The following SETD1B variants were observed in gnomAD, a reference collection of about 807,000 sequenced individuals.
SETD1B encodes histone-lysine N-methyltransferase SETD1B.
SETD1B carries 7 observed loss-of-function variants against 148.0 expected under a neutral mutation model. That is an observed-to-expected ratio of 0.05 (90% CI 0.03 to 0.09). The LOEUF is 0.09. SETD1B is among the 10% of genes least tolerant of loss of function. The pLI, the probability that SETD1B is intolerant of heterozygous loss-of-function variation, is 1.00. For synonymous variants in SETD1B, 1,361 were observed against 1,186.5 expected, an observed-to-expected ratio of 1.15 and a Z score of -3.02; for missense variants, 2,155 against 2,729.9, an observed-to-expected ratio of 0.79 and a Z score of 4.69.
At chr12:121,793,788 T>C in the SETD1B span, 12 of 592,762 alleles carry the variant, frequency 2.0e-5, no homozygotes, top group East Asian at 3.4e-4. Context: ...CAGTTTCCTT[T>C]CTGCTAAGGT....
At chr12:121,792,767 TCCGAGCAC>T in the SETD1B span, among the ~76,000 whole-genome samples, 1 of 152,088 alleles carries the variant, frequency 6.6e-6, no homozygotes, top group Non-Finnish European at 1.5e-5. Flanking sequence ...GCCCAGGCAA[TCCGAGCAC>T]CAAGGGACTC....
rs1876345354 is a variant in SETD1B, at chr12:121,817,432, C to T, written c.3040C>T (p.Pro1014Ser). The change falls in exon 9 of 17, where the codon CCC becomes TCC. Residue 1014 changes from proline to serine, a missense_variant. Transcript: ENST00000604567. This position sits in a 1 kb window ranked among gnomAD's most constrained non-coding sequence, Gnocchi z 8.1. Reference sequence around the variant, plus strand: ...CCCCTGTGAGCTCGCCAAGCGGGACCCCAAGGGCGTGGGTGTGCGGCGGCG... The same window carrying T: ...CCCCTGTGAGCTCGCCAAGCGGGACTCCAAGGGCGTGGGTGTGCGGCGGCG... ...DTPCELAKRDPKGVGVRRRPA... is the reference protein window; with the variant it reads ...DTPCELAKRDSKGVGVRRRPA... 2 of 1,544,038 alleles carry T rather than the reference C, an allele frequency of 1.3e-6. No individual in the cohort carries two copies. Among genetic ancestry groups the T allele is most frequent in the East Asian group, 4.9e-5 (2 of 40,728 alleles).
At chr12:121,798,003 G>A in the SETD1B span, 1 of 196,442 alleles carries the variant, frequency 5.1e-6, no homozygotes, top group Non-Finnish European at 1.1e-5. Context: ...CTCACAGGAG[G>A]AGCCAACAGC....
rs1242908100 is a variant in SETD1B, at chr12:121,823,587, C to T, written c.5008C>T (p.Arg1670Trp). ...ACTCTCGCCACCCCAGCCCCTCTTC[C>T]GGCCCCGCTCGGAGTTTGAGGAGAT... Reference protein sequence around the residue: ...PELSPPQPLFRPRSEFEEMTI... With the variant: ...PELSPPQPLFWPRSEFEEMTI... Residue 1670 changes from arginine (R) to tryptophan (W), a missense_variant, in exon 12 of 17, where the codon CGG becomes TGG. By Grantham distance (101) the Arg-to-Trp change is moderately radical (BLOSUM62 -3). This residue lies in a region of SETD1B where 862 missense variants were observed against 873.8 expected (regional missense o/e 0.99). Transcript: ENST00000604567. 7.7e-6 allele frequency: 12 copies of T among 1,551,358 alleles called. No individual in the cohort carries two copies. The highest frequency in any genetic ancestry group is 4.8e-5 in the South Asian group (4 of 84,062).
At chr12:121,826,662 G>A (rs1305410951) in intron 13 of SETD1B, among the ~76,000 whole-genome samples, 1 of 152,044 alleles carries the variant, frequency 6.6e-6, no homozygotes, top group East Asian at 1.9e-4. Context: ...GTGGTGTGGA[G>A]CTGGTGCAGG....
At chr12:121,818,831 A>G (rs1380104815) in intron 10 of SETD1B, among the ~76,000 whole-genome samples, 1 of 150,914 alleles carries the variant, frequency 6.6e-6, no homozygotes, top group East Asian at 2.0e-4. Flanking sequence ...CGGAGCTTGC[A>G]GTGAGCCGGG....
the SETD1B span, chr12:121,797,400 CCTCGAG>C: frequency 2.2e-6 from 1 of 451,688 alleles, no homozygotes; most frequent in East Asian, 7.0e-5. Flanking sequence ...GGCGGGGCGC[CCTCGAG>C]GGACCAGCAG....
At chr12:121,807,074 A>G (rs1376111444) in intron 4 of SETD1B, among the ~76,000 whole-genome samples, 1 of 152,252 alleles carries the variant, frequency 6.6e-6, no homozygotes, top group Non-Finnish European at 1.5e-5. Flanking sequence ...GTTCAGGGAC[A>G]ACTGGGACAC....
chr12:121,808,421 C>G lies in SETD1B; in HGVS notation c.657+101C>G. The G allele has an allele frequency of 1.4e-6, 1 of 712,456 alleles. No individual in the cohort carries two copies. Among genetic ancestry groups the G allele is most frequent in the Non-Finnish European group, 2.4e-6 (1 of 417,072 alleles). The allele number at this position is 712,456 out of a possible 1,614,324, so 44.1% of individuals were successfully genotyped here. ...TCTCTTATGGGACCCCCAGCCTACC[C>G]CCACCTCACTCCAGCTTTGGAGACC... On this transcript the variant is annotated intron_variant, in intron 5 of 16. Transcript: ENST00000604567. The surrounding 1 kb of genome is among the most constrained non-coding windows in gnomAD (Gnocchi z 5.3).
At chr12:121,799,731 T>TGGGGGGGGGTGGGG, upstream of SETD1B, 2 of 31,728 alleles carry the variant, frequency 6.3e-5, no homozygotes, top group East Asian at 1.3e-3. Context: ...GGGGGGGGGG[T>TGGGGGGGGGTGGGG]GGGGTGGGGC....
the SETD1B span, among the ~76,000 whole-genome samples, chr12:121,796,449 A>G: frequency 6.6e-6 from 1 of 152,200 alleles, no homozygotes; most frequent in African/African-American, 2.4e-5. Context: ...GTGTTGTCAG[A>G]GCAAAGTCCA....
intron 12 of SETD1B, among the ~76,000 whole-genome samples, chr12:121,824,026 C>T (rs986656088): frequency 3.9e-5 from 6 of 152,250 alleles, no homozygotes; most frequent in Admixed American, 6.5e-5. Flanking sequence ...TGCCGTGCAG[C>T]TTAACAGCAC....
At chr12:121,801,168 C>A (rs1667579), upstream of SETD1B, 113,586 of 152,116 alleles carry the variant, frequency 0.75, 43,599 homozygotes, top group East Asian at 0.95. Flanking sequence ...CCCCGAGAAG[C>A]CGGCTTCGGG....
intron 6 of SETD1B, among the ~76,000 whole-genome samples, 158 bp from the exon 7 acceptor site, chr12:121,813,948 A>G (rs1876157993): frequency 1.3e-5 from 2 of 152,102 alleles, no homozygotes; most frequent in Admixed American, 1.3e-4. Flanking sequence ...TATGATGCCC[A>G]TTTTGCAAAT....
intron 4 of SETD1B, among the ~76,000 whole-genome samples, chr12:121,806,698 G>A (rs914109966): frequency 6.6e-6 from 1 of 152,258 alleles, no homozygotes; most frequent in East Asian, 1.9e-4. Context: ...CCAGGCAGGC[G>A]GCTCTGGGTG....
At chr12:121,801,675 G>A (rs1319597508), upstream of SETD1B, 1 of 152,442 alleles carries the variant, frequency 6.6e-6, no homozygotes, top group Admixed American at 6.5e-5. Context: ...TGGGAAATTT[G>A]GGGGTTATGG....
chr12:121,825,511 G>T (rs1001618183), intron 13 of SETD1B, 145 bp downstream of exon 13: 1 of 646,078 alleles, frequency 1.5e-6, no homozygotes, highest in East Asian at 3.1e-5. Flanking sequence ...AAGGGGAGAG[G>T]CGGGTGGGCG....
At chr12:121,793,714 C>A in the SETD1B span, 2 of 1,281,776 alleles carry the variant, frequency 1.6e-6, no homozygotes, top group East Asian at 2.9e-5. Flanking sequence ...GGGCCGGAAC[C>A]AGCCCCGCCC....
chr12:121,809,550 C>G (rs1375345660), intron 5 of SETD1B, 53 bp from the exon 6 acceptor site: 2 of 1,485,904 alleles, frequency 1.3e-6, no homozygotes, highest in African/African-American at 2.8e-5. Context: ...GAAAATAGCC[C>G]TGTTCCATTG....
Sources: allele counts gnomAD v4.1 joint callset (sites outside exome capture counted in the v4.1 genomes callset), GRCh38; gene constraint gnomAD v4.1.1; regional missense constraint gnomAD v4.1.1; non-coding constraint Gnocchi (gnomAD v3.1); transcripts MANE v1.5; gene names NCBI Gene and HGNC (gene_info 2026-07-23, HGNC 2026-07-21).